Variants in KCNMA1 observed in about 807,000 individuals in gnomAD.
The protein encoded by KCNMA1 is Calcium-activated potassium channel subunit alpha-1.
Under a neutral mutation model 140.0 loss-of-function variants are expected in KCNMA1, and 29 were observed. That is an observed-to-expected ratio of 0.21 (90% CI 0.15 to 0.28). The LOEUF (loss-of-function observed/expected upper bound fraction) is 0.28. Among genes scored for constraint, KCNMA1 ranks in the 10% least tolerant of loss-of-function variants. The probability of loss-of-function intolerance (pLI) is 1.00; values close to 1 mark genes in which losing one functional copy is unlikely to be tolerated. For missense variants in KCNMA1, 880 were observed against 1,602.2 expected (o/e 0.55, Z 7.70); for synonymous variants, 612 against 611.9 (o/e 1.00, Z 0.00).
rs544892367 is a variant in KCNMA1 at position 77,394,990 on chromosome 10, C to T, written c.540+8872G>A. On this transcript the variant is annotated intron_variant, in intron 2 of 27. Coordinates refer to ENST00000286628, the MANE Select transcript of KCNMA1 (RefSeq NM_001161352.2). ...TCCAATGCAACTTTGTTTATGGACG[C>T]TGAAATTTGAATTTCATATAGCTTT... Among the ~76,000 whole-genome samples the T allele has an allele frequency of 3.3e-5, 5 of 152,288 alleles. No individual in the cohort carries two copies. The South Asian group carries it at 1.0e-3, about 32-fold the overall frequency.
intron 18 of KCNMA1, among the ~76,000 whole-genome samples, chr10:77,004,216 CA>C (rs1387089474): frequency 2.2e-4 from 10 of 46,134 alleles, no homozygotes; most frequent in Non-Finnish European, 4.5e-4. Flanking sequence ...AGTGCCACCA[CA>C]CACACACACA....
intron 1 of KCNMA1, among the ~76,000 whole-genome samples, chr10:77,598,220 C>G (rs1211149633): frequency 6.6e-6 from 1 of 152,210 alleles, no homozygotes; most frequent in Non-Finnish European, 1.5e-5. Context: ...ATCCGCCCAC[C>G]TTGGCCTCCC....
chr10:77,157,032 T>G (rs2098494874), intron 5 of KCNMA1, among the ~76,000 whole-genome samples: 1 of 152,190 alleles, frequency 6.6e-6, no homozygotes, highest in African/African-American at 2.4e-5. Context: ...TTAATTAAAC[T>G]CTTTCTTTAC....
intron 10 of KCNMA1, 119 bp from the exon 11 acceptor site, chr10:77,086,712 C>T (rs772233372): frequency 1.4e-6 from 1 of 736,932 alleles, no homozygotes; most frequent in Non-Finnish European, 2.4e-6. Flanking sequence ...GACCTACAGT[C>T]ACCCTTTTGC....
At chr10:77,627,570 C>T (rs2092685849) in intron 1 of KCNMA1, among the ~76,000 whole-genome samples, 1 of 152,122 alleles carries the variant, frequency 6.6e-6, no homozygotes, top group Admixed American at 6.5e-5. Flanking sequence ...AATAAAGTGG[C>T]CTTCATGGAG....
At chr10:77,137,663 A>C (rs1392209043) in intron 5 of KCNMA1, among the ~76,000 whole-genome samples, 5 of 152,118 alleles carry the variant, frequency 3.3e-5, no homozygotes, top group South Asian at 4.2e-4. Flanking sequence ...CTTCCTCTCA[A>C]ATGCCCCTGG....
At chr10:77,031,636 A>C (rs143428101) in intron 15 of KCNMA1, among the ~76,000 whole-genome samples, 1 of 152,340 alleles carries the variant, frequency 6.6e-6, no homozygotes, top group African/African-American at 2.4e-5. Context: ...AGAGTTGGCC[A>C]ATGTCACAAT....
rs927370036 is a variant in KCNMA1, at chr10:77,130,152, T to C, written c.809-9104A>G. On this transcript the variant is annotated intron_variant, in intron 5 of 27. Transcript: ENST00000286628. The stretch of plus-strand genomic sequence containing the variant: ...AGTAGAAATGGCCCTCAACTTACAA[T>C]GGTTCAACTTAATGATTTTCTGACT... Among the ~76,000 whole-genome samples, 16 of 152,302 alleles carry C rather than the reference T, an allele frequency of 1.1e-4. No individual in the cohort carries two copies. In the East Asian group the frequency reaches 2.9e-3, roughly 28 times the overall value.
At chr10:77,076,752 G>A (rs2096410225) in intron 13 of KCNMA1, among the ~76,000 whole-genome samples, 1 of 152,318 alleles carries the variant, frequency 6.6e-6, no homozygotes, top group South Asian at 2.1e-4. Flanking sequence ...TGACACACAT[G>A]TCTACAATTA....
chr10:77,016,589 T>C (rs376726940), intron 17 of KCNMA1, among the ~76,000 whole-genome samples: 1 of 152,190 alleles, frequency 6.6e-6, no homozygotes, highest in Non-Finnish European at 1.5e-5. Context: ...GGCAACTCAT[T>C]TGTATTTTAA....
At chr10:77,313,591 A>G (rs1385249714) in intron 2 of KCNMA1, among the ~76,000 whole-genome samples, 1 of 152,180 alleles carries the variant, frequency 6.6e-6, no homozygotes, top group Admixed American at 6.5e-5. Context: ...AAGGAAACTC[A>G]GGGAAAGCAG....
chr10:77,460,846 C>CTG (rs1268779742), intron 1 of KCNMA1, among the ~76,000 whole-genome samples: 2 of 152,154 alleles, frequency 1.3e-5, no homozygotes. Context: ...TGGTTCAAGC[C>CTG]TGTAATCCCA....
chr10:77,448,410 A>G (rs2097568003), intron 1 of KCNMA1, among the ~76,000 whole-genome samples: 1 of 152,200 alleles, frequency 6.6e-6, no homozygotes, highest in Non-Finnish European at 1.5e-5. Context: ...ACCAACAAAG[A>G]CGATAATTGT....
At chr10:77,332,116 A>G (rs1365939080) in intron 2 of KCNMA1, among the ~76,000 whole-genome samples, 1 of 152,182 alleles carries the variant, frequency 6.6e-6, no homozygotes, top group East Asian at 1.9e-4. Context: ...CAGATTACAT[A>G]GCATTTACAG....
chr10:77,601,345 T>C (rs1195264281), intron 1 of KCNMA1, among the ~76,000 whole-genome samples: 1 of 152,180 alleles, frequency 6.6e-6, no homozygotes. Flanking sequence ...TAAGATGTCA[T>C]GAAAACACGG....
chr10:77,012,628 G>A lies in KCNMA1; in HGVS notation c.2016-585C>T, dbSNP rs914028913. The A allele has an allele frequency of 6.0e-5, 76 of 1,276,312 alleles. No individual in the cohort carries two copies. The Admixed American group carries it at 1.5e-3, about 25-fold the overall frequency. The allele number at this position is 1,276,312 out of a possible 1,614,324, so 79.1% of individuals were successfully genotyped here. ...GTCAAACCCCCTCTGGAGTTTCACA[G>A]CTTATTTTACTCCAAAGCTGACTGG... On this transcript the variant is annotated intron_variant, in intron 17 of 27. Transcript: ENST00000286628.
chr10:76,879,567 TCAAG>T (rs900529771), intron 29 of KCNMA1, among the ~76,000 whole-genome samples: 7 of 151,976 alleles, frequency 4.6e-5, no homozygotes, highest in East Asian at 1.9e-4. Context: ...TATCTTTTTG[TCAAG>T]CAGAGTTTTT....
At chr10:77,191,752 C>T (rs528538465) in intron 3 of KCNMA1, among the ~76,000 whole-genome samples, 2 of 152,132 alleles carry the variant, frequency 1.3e-5, no homozygotes, top group South Asian at 4.1e-4. Context: ...TTTCTTAGAC[C>T]TTGAAATGAC....
intron 26 of KCNMA1, among the ~76,000 whole-genome samples, chr10:76,890,130 A>G (rs186689552): frequency 1.8e-4 from 27 of 152,292 alleles, no homozygotes; most frequent in Non-Finnish European, 2.8e-4. Flanking sequence ...GTGCAAGAGA[A>G]TGTGTTTCCC....
Sources: allele counts gnomAD v4.1 joint callset (sites outside exome capture counted in the v4.1 genomes callset), GRCh38; gene constraint gnomAD v4.1.1; transcripts MANE v1.5; gene names NCBI Gene and HGNC (gene_info 2026-07-23, HGNC 2026-07-21).